CAPS2: variants seen among roughly 807,000 people sequenced by gnomAD.
The protein encoded by CAPS2 is calcyphosine 2.
A neutral mutation model predicts 86.5 loss-of-function variants in CAPS2; 98 were observed. The observed-to-expected ratio is 1.13, with a 90% CI of 0.96 to 1.34. The LOEUF (loss-of-function observed/expected upper bound fraction) is 1.34. Among genes scored for constraint, CAPS2 ranks in the 40% most tolerant of loss-of-function variants. The pLI is 0.00. For synonymous variants in CAPS2, 210 were observed against 225.1 expected (o/e 0.93, Z 0.60); for missense variants, 729 against 686.8 (o/e 1.06, Z -0.69).
At chr12:75,358,927 T>A (rs933150538) in intron 1 of CAPS2, among the ~76,000 whole-genome samples, 6 of 145,372 alleles carry the variant, frequency 4.1e-5, no homozygotes, top group African/African-American at 1.5e-4. Flanking sequence ...ACAGACTGCA[T>A]AAAACAGATA....
At chr12:75,359,355 GTCTTTTTTTTTTTT>G (rs2043397790) in intron 1 of CAPS2, among the ~76,000 whole-genome samples, 4 of 46,432 alleles carry the variant, frequency 8.6e-5, no homozygotes, top group Admixed American at 7.6e-4. Context: ...CAGCATTGTT[GTCTTTTTTTTTTTT>G]TTTTTTTTTT....
chr12:75,300,433 G>A (rs1464698907), intron 8 of CAPS2, among the ~76,000 whole-genome samples: 8 of 151,682 alleles, frequency 5.3e-5, no homozygotes, highest in South Asian at 2.1e-4. Context: ...GTGGGCGCCC[G>A]TAGTCTCAGC....
intron 1 of CAPS2, among the ~76,000 whole-genome samples, chr12:75,378,534 T>C (rs999240646): frequency 4.6e-5 from 7 of 152,166 alleles, no homozygotes; most frequent in Non-Finnish European, 8.8e-5. Flanking sequence ...GCTGTCAGGA[T>C]GGAGATTTAA....
Position 75,316,434 on chromosome 12 carries a change from A to G in CAPS2, c.469T>C (p.Cys157Arg), listed in dbSNP as rs142559838. ...GTGTTGGCTTCTTCATCTTGCACAC[A>G]CTATGCATGAAAGAAATAAATGAAG... Residue 157 changes from cysteine to arginine, a missense_variant and splice_region_variant, in exon 6 of 17, where the codon TGT becomes CGT. Coordinates refer to ENST00000393284, the Ensembl canonical transcript of CAPS2. 4.2e-4 allele frequency: 649 copies of G among 1,537,410 alleles called. 4 individuals carry two copies. In the East Asian group the frequency reaches 0.013, roughly 30 times the overall value.
intron 1 of CAPS2, among the ~76,000 whole-genome samples, chr12:75,368,090 C>T (rs752223761): frequency 2.0e-5 from 3 of 151,560 alleles, no homozygotes; most frequent in Admixed American, 6.6e-5. Flanking sequence ...CTGTATCAAA[C>T]GGTTTCTAAT....
chr12:75,361,638 A>C (rs1301684052), intron 1 of CAPS2, among the ~76,000 whole-genome samples: 2 of 152,214 alleles, frequency 1.3e-5, no homozygotes, highest in African/African-American at 4.8e-5. Context: ...ATCATGACAG[A>C]AGGTGAAGGG....
intron 1 of CAPS2, among the ~76,000 whole-genome samples, chr12:75,345,054 T>C (rs1019717746): frequency 1.3e-5 from 2 of 152,140 alleles, no homozygotes; most frequent in South Asian, 2.1e-4. Flanking sequence ...CTTTGCTGAA[T>C]AGATGATGAG....
At chr12:75,385,964 A>G (rs1295184201) in intron 1 of CAPS2, among the ~76,000 whole-genome samples, 1 of 152,220 alleles carries the variant, frequency 6.6e-6, no homozygotes, top group African/African-American at 2.4e-5. Flanking sequence ...ATAAATGAAG[A>G]AATATTCCTT....
chr12:75,359,357 CTTTTTTTTTTTT>C (rs61616225), intron 1 of CAPS2, among the ~76,000 whole-genome samples: 31 of 28,584 alleles, frequency 1.1e-3, no homozygotes, highest in African/African-American at 1.5e-3. Context: ...GCATTGTTGT[CTTTTTTTTTTTT>C]TTTTTTTTTT....
intron 8 of CAPS2, among the ~76,000 whole-genome samples, chr12:75,300,707 G>T (rs973150598): frequency 3.3e-5 from 5 of 151,910 alleles, no homozygotes; most frequent in African/African-American, 1.2e-4. Flanking sequence ...TCCTGCCTGT[G>T]AACGTGGCAG....
chr12:75,375,029 T>A (rs2044576500), intron 1 of CAPS2, among the ~76,000 whole-genome samples: 1 of 152,206 alleles, frequency 6.6e-6, no homozygotes, highest in South Asian at 2.1e-4. Context: ...GTGGCACTAA[T>A]CTCTGCAATC....
downstream of CAPS2, chr12:75,277,032 AT>A (rs1261304411): frequency 1.0e-6 from 1 of 984,656 alleles, no homozygotes; most frequent in East Asian, 1.1e-4. Context: ...AGTCAGGCAA[AT>A]CCAAAAGCAG....
At chr12:75,313,581 T>A (rs1565880075) in intron 6 of CAPS2, among the ~76,000 whole-genome samples, 1 of 152,236 alleles carries the variant, frequency 6.6e-6, no homozygotes, top group Non-Finnish European at 1.5e-5. Flanking sequence ...ACTGAAATAC[T>A]GGTAATCATT....
chr12:75,299,572 A>C (rs1185039910), intron 9 of CAPS2, among the ~76,000 whole-genome samples: 3 of 152,144 alleles, frequency 2.0e-5, no homozygotes, highest in Admixed American at 2.0e-4. Flanking sequence ...ATATAACTCT[A>C]AAAAATTCAC....
At chr12:75,295,891 T>A (rs1334109392) in intron 11 of CAPS2, among the ~76,000 whole-genome samples, 2 of 152,066 alleles carry the variant, frequency 1.3e-5, no homozygotes, top group African/African-American at 2.4e-5. Context: ...AAATTAGTGA[T>A]CTTCTGATAG....
intron 15 of CAPS2, 77 bp from the exon 16 acceptor site, chr12:75,282,424 T>C (rs958159543): frequency 3.3e-6 from 3 of 917,202 alleles, no homozygotes; most frequent in Non-Finnish European, 5.4e-6. Flanking sequence ...TCTCGCTCTG[T>C]CACCCAGACT....
At chr12:75,302,168 T>C (rs572319749) in intron 8 of CAPS2, among the ~76,000 whole-genome samples, 7 of 152,272 alleles carry the variant, frequency 4.6e-5, no homozygotes, top group Admixed American at 3.3e-4. Flanking sequence ...TCTCCTCCTC[T>C]GGGAAAAATA....
At chr12:75,291,889 T>C in intron 12 of CAPS2, 69 bp from the exon 13 acceptor site, 1 of 620,042 alleles carries the variant, frequency 1.6e-6, no homozygotes, top group South Asian at 3.4e-5. Flanking sequence ...GTATAAAACC[T>C]CTAAGCTCTT....
At chr12:75,293,699 A>G (rs1395788705) in intron 11 of CAPS2, among the ~76,000 whole-genome samples, 4 of 152,220 alleles carry the variant, frequency 2.6e-5, no homozygotes, top group Admixed American at 2.0e-4. Flanking sequence ...AATGGCCTAC[A>G]GAATGACATA....
Sources: gnomAD v4.1 joint callset for allele counts (sites outside exome capture counted in the v4.1 genomes callset) on GRCh38, gnomAD v4.1.1 for gene constraint, MANE v1.5 for transcripts, NCBI Gene and HGNC (gene_info 2026-07-23, HGNC 2026-07-21) for gene names.